GRM8: variants seen among roughly 807,000 people sequenced by gnomAD.
GRM8 encodes the protein glutamate metabotropic receptor 8.
In GRM8, 47 loss-of-function variants were observed where a neutral mutation model predicts 87.2. That is an observed-to-expected ratio of 0.54 (90% confidence interval 0.43 to 0.69). The LOEUF (loss-of-function observed/expected upper bound fraction) is 0.69. Ranked by LOEUF, GRM8 falls within the 30% of genes least tolerant of loss-of-function variation. GRM8 has a pLI of 0.00. For synonymous variants in GRM8, 396 were observed against 404.5 expected (o/e 0.98, Z 0.25); for missense variants, 1,019 against 1,139.2 (o/e 0.89, Z 1.52).
At chr7:126,557,265 G>A (rs908153722) in intron 8 of GRM8, among the ~76,000 whole-genome samples, 1 of 152,198 alleles carries the variant, frequency 6.6e-6, no homozygotes, top group Non-Finnish European at 1.5e-5. Flanking sequence ...ATTAGGGTAA[G>A]ACTGGATAAT....
chr7:126,451,441 C>T (rs1302573432), intron 9 of GRM8, among the ~76,000 whole-genome samples: 1 of 151,720 alleles, frequency 6.6e-6, no homozygotes, highest in East Asian at 2.0e-4. Flanking sequence ...TTGCTCAGAG[C>T]CATCATCATC....
intron 8 of GRM8, among the ~76,000 whole-genome samples, chr7:126,549,149 T>C (rs1029961183): frequency 4.0e-5 from 6 of 151,594 alleles, no homozygotes; most frequent in African/African-American, 1.5e-4. Flanking sequence ...TAATGGAAAA[T>C]ATGGAAGAAA....
chr7:126,609,255 A>G, intron 8 of GRM8, 107 bp downstream of exon 8: 1 of 719,010 alleles, frequency 1.4e-6, no homozygotes. Context: ...ATTTTCTAAG[A>G]GTTTATTTAT....
chr7:127,123,788 A>G (rs1401745516), intron 2 of GRM8, among the ~76,000 whole-genome samples: 2 of 152,178 alleles, frequency 1.3e-5, no homozygotes, highest in Non-Finnish European at 2.9e-5. Flanking sequence ...TGTAGAATGT[A>G]TCTTTTTCTT....
At chr7:126,932,003 C>T (rs1481231930) in intron 3 of GRM8, among the ~76,000 whole-genome samples, 3 of 152,148 alleles carry the variant, frequency 2.0e-5, no homozygotes, top group African/African-American at 4.8e-5. Context: ...TCCTTTTAAT[C>T]TTCTTCTTTA....
chr7:126,628,690 T>C (rs1201829601), intron 7 of GRM8, among the ~76,000 whole-genome samples: 2 of 152,218 alleles, frequency 1.3e-5, no homozygotes, highest in Non-Finnish European at 2.9e-5. Context: ...GGAGTGTTGT[T>C]AGTTATTCAG....
intron 9 of GRM8, among the ~76,000 whole-genome samples, chr7:126,450,531 G>C (rs558687008): frequency 5.4e-4 from 82 of 151,876 alleles, no homozygotes; most frequent in African/African-American, 1.7e-3. Flanking sequence ...CCTCATCTGC[G>C]TGTCTGCCAA....
chr7:127,128,625 G>A (rs1177363880), intron 2 of GRM8, among the ~76,000 whole-genome samples: 2 of 152,096 alleles, frequency 1.3e-5, no homozygotes, highest in Non-Finnish European at 2.9e-5. Context: ...ATCTTATAAA[G>A]CAGATATCAT....
chr7:127,165,817 C>T (rs900336149), intron 2 of GRM8, among the ~76,000 whole-genome samples: 14 of 152,192 alleles, frequency 9.2e-5, no homozygotes, highest in African/African-American at 3.1e-4. Context: ...ATTCTCTTTG[C>T]TGCCATATAT....
intron 7 of GRM8, among the ~76,000 whole-genome samples, chr7:126,620,746 G>T (rs922086637): frequency 6.6e-5 from 10 of 152,128 alleles, no homozygotes; most frequent in Non-Finnish European, 1.5e-4. Context: ...TGCAATGAAC[G>T]CAAACACTCA....
chr7:126,820,230 T>C (rs1012749404), intron 6 of GRM8, among the ~76,000 whole-genome samples: 7 of 152,192 alleles, frequency 4.6e-5, no homozygotes, highest in African/African-American at 1.7e-4. Flanking sequence ...AATAAATACA[T>C]TATATCTTCA....
At chr7:126,960,175 A>T (rs569547392) in intron 3 of GRM8, among the ~76,000 whole-genome samples, 1 of 152,316 alleles carries the variant, frequency 6.6e-6, no homozygotes, top group South Asian at 2.1e-4. Context: ...AGATTCTGGC[A>T]ACTAGTGGTG....
At chr7:126,897,266 G>T (rs573232921) in intron 6 of GRM8, among the ~76,000 whole-genome samples, 1 of 152,136 alleles carries the variant, frequency 6.6e-6, no homozygotes, top group South Asian at 2.1e-4. Context: ...CACTATAGAA[G>T]ACAAGAAATC....
At chr7:126,825,052 T>C (rs980528496) in intron 6 of GRM8, among the ~76,000 whole-genome samples, 3 of 152,152 alleles carry the variant, frequency 2.0e-5, no homozygotes, top group Admixed American at 2.0e-4. Context: ...ACAAAGTGAG[T>C]ATCCAAACAT....
At chr7:126,675,708 CT>C (rs1215935908) in intron 7 of GRM8, among the ~76,000 whole-genome samples, 1 of 152,096 alleles carries the variant, frequency 6.6e-6, no homozygotes, top group African/African-American at 2.4e-5. Context: ...TGGTAAAAAT[CT>C]TCAACAAACT....
intron 8 of GRM8, among the ~76,000 whole-genome samples, chr7:126,588,283 A>G (rs997012343): frequency 2.7e-5 from 4 of 150,596 alleles, no homozygotes; most frequent in African/African-American, 4.8e-5. Flanking sequence ...CTAGTGCCAT[A>G]GACAGTATAA....
chr7:127,172,066 T>C (rs1793834429), intron 2 of GRM8, among the ~76,000 whole-genome samples: 1 of 152,154 alleles, frequency 6.6e-6, no homozygotes, highest in Admixed American at 6.6e-5. Flanking sequence ...TCCACATGAT[T>C]AATGGAATTT....
chr7:126,918,820 T>C (rs1804198730), intron 3 of GRM8, among the ~76,000 whole-genome samples: 1 of 152,174 alleles, frequency 6.6e-6, no homozygotes, highest in African/African-American at 2.4e-5. Context: ...AATGGTATTG[T>C]TTATCTAAGG....
At chr7:126,803,073 T>A (rs564442177) in intron 6 of GRM8, among the ~76,000 whole-genome samples, 8 of 152,222 alleles carry the variant, frequency 5.3e-5, no homozygotes, top group African/African-American at 2.4e-5. Flanking sequence ...TAGTCACTTA[T>A]CTATTCGTAA....
Sources: gnomAD v4.1 joint callset for allele counts (sites outside exome capture counted in the v4.1 genomes callset) on GRCh38, gnomAD v4.1.1 for gene constraint, MANE v1.5 for transcripts, NCBI Gene and HGNC (gene_info 2026-07-23, HGNC 2026-07-21) for gene names.